Variants in KPNA2 observed in about 807,000 individuals in gnomAD.
KPNA2 encodes karyopherin subunit alpha 2, also known as importin subunit alpha-1.
A neutral mutation model predicts 53.7 loss-of-function variants in KPNA2; 20 were observed. The ratio of observed to expected loss-of-function variants is 0.37; its 90% CI spans 0.26 to 0.54. The LOEUF (loss-of-function observed/expected upper bound fraction) is 0.54, where lower values mean the gene tolerates loss of function less well. Ranked by LOEUF, KPNA2 falls within the 20% of genes least tolerant of loss-of-function variation. KPNA2 has a pLI of 0.83. For synonymous variants in KPNA2, 238 were observed against 227.5 expected (o/e 1.05, Z -0.42); for missense variants, 515 against 640.3 (o/e 0.80, Z 2.11).
intron 5 of KPNA2, among the ~76,000 whole-genome samples, 157 bp from the exon 6 acceptor site, chr17:68,042,748 G>A (rs1339382990): frequency 6.6e-6 from 1 of 151,880 alleles, no homozygotes; most frequent in African/African-American, 2.4e-5. Flanking sequence ...CGGGCGTGGC[G>A]GCGGGCGCCT....
intron 3 of KPNA2, among the ~76,000 whole-genome samples, chr17:68,040,124 C>A (rs1311936246): frequency 6.6e-6 from 1 of 151,960 alleles, no homozygotes; most frequent in Non-Finnish European, 1.5e-5. Flanking sequence ...CCTATGACTT[C>A]ATGTCTTTCT....
intron 3 of KPNA2, among the ~76,000 whole-genome samples, chr17:68,037,713 C>T (rs1312924565): frequency 6.6e-6 from 1 of 152,152 alleles, no homozygotes; most frequent in Non-Finnish European, 1.5e-5. Context: ...GACCTTCCTT[C>T]AGACTTCCCT....
At chr17:68,039,737 G>A (rs1263482578) in intron 3 of KPNA2, among the ~76,000 whole-genome samples, 2 of 151,100 alleles carry the variant, frequency 1.3e-5, no homozygotes, top group South Asian at 4.2e-4. Flanking sequence ...CCGAGATCAC[G>A]CCATTGCACT....
Position 68,037,192 on chromosome 17 carries a change from G to A in KPNA2, c.60G>A (p.Lys20=), listed in dbSNP as rs781915896. 1.2e-5 allele frequency: 20 copies of A among 1,612,676 alleles called. No individual in the cohort carries two copies. Among genetic ancestry groups the A allele is most frequent in the Non-Finnish European group, 1.7e-5 (20 of 1,179,318 alleles). ...CCCGTCTTCACAGATTCAAGAACAAGGGAAAAGACAGTACAGTGAGTACCT... is the reference window on the plus strand; with the variant it reads ...CCCGTCTTCACAGATTCAAGAACAAAGGAAAAGACAGTACAGTGAGTACCT... The part of the protein sequence containing the change: ...PAARLHRFKN[K]GKDSTEMRRR... Residue 20 remains lysine (K), a synonymous_variant, in exon 2 of 11, where the codon AAG becomes AAA. Coordinates refer to ENST00000330459, the MANE Select transcript of KPNA2 (RefSeq NM_002266.4).
intron 1 of KPNA2, 113 bp downstream of exon 1, chr17:68,035,953 C>T (rs2071184033): frequency 6.6e-6 from 1 of 152,360 alleles, no homozygotes; most frequent in Middle Eastern, 3.4e-3. Context: ...CTGGCTCTGC[C>T]TCCCGCGTTG....
chr17:68,037,624 T>G (rs1459129179), intron 3 of KPNA2, 129 bp downstream of exon 3: 2 of 898,656 alleles, frequency 2.2e-6, no homozygotes, highest in Non-Finnish European at 3.4e-6. Flanking sequence ...CATCTTTTTC[T>G]CTGTTTGCAA....
rs1325846653 is a variant in KPNA2 at position 68,046,726 on chromosome 17, A to G, written c.*130A>G. 6.1e-6 allele frequency: 4 copies of G among 652,326 alleles called. No individual in the cohort carries two copies. Among genetic ancestry groups the G allele is most frequent in the Non-Finnish European group, 1.1e-5 (4 of 361,050 alleles). 40.4% of individuals were successfully genotyped at this position (652,326 alleles called of 1,614,324 possible). ...CTTTTTACACTGAAACTATACTTGA[A>G]CAGTTCCAACTGTACATACATACTG... On this transcript the variant is annotated 3_prime_UTR_variant, in exon 11 of 11. Coordinates refer to ENST00000330459, the MANE Select transcript of KPNA2 (RefSeq NM_002266.4).
Position 68,042,313 on chromosome 17 carries a change from C to G in KPNA2, c.531C>G (p.His177Gln). The change falls in exon 5 of 11, where the codon CAC (histidine) becomes CAG (glutamine). Residue 177 changes from histidine (H) to glutamine (Q), a missense_variant. By Grantham distance (24) the His-to-Gln change is conservative. Coordinates refer to ENST00000330459, the MANE Select transcript of KPNA2 (RefSeq NM_002266.4). The stretch of plus-strand genomic sequence containing the variant: ...CTCTGTTGGCATCTCCCCATGCTCA[C>G]ATCAGTGAACAAGCTGTCTGGGCTC... The part of the protein sequence containing the change: ...FISLLASPHA[H>Q]ISEQAVWALG... 1 of 1,614,210 alleles carries G rather than the reference C, an allele frequency of 6.2e-7. No homozygotes were observed. Among genetic ancestry groups the G allele is most frequent in the Non-Finnish European group, 8.5e-7 (1 of 1,180,020 alleles).
chr17:68,036,365 C>T (rs1185531265), intron 1 of KPNA2: 1 of 152,256 alleles, frequency 6.6e-6, no homozygotes, highest in African/African-American at 2.4e-5. Context: ...CGCATTCACT[C>T]CTAGTCTCTG....
intron 1 of KPNA2, chr17:68,036,875 G>C (rs2071196065): frequency 2.7e-6 from 1 of 365,170 alleles, no homozygotes; most frequent in Admixed American, 4.8e-5. Context: ...AATTTATATA[G>C]CTTGCATTCT....
chr17:68,046,426 A>T lies in KPNA2; in HGVS notation c.1498-78A>T, dbSNP rs782038746. On this transcript the variant is annotated intron_variant, in intron 10 of 10. Coordinates refer to ENST00000330459, the MANE Select transcript of KPNA2 (RefSeq NM_002266.4). Reference sequence around the variant, plus strand: ...GTAATATGCAGATCAAGACCTAGAGATTAAATACAGACTTCAGGTAGGCTG... The same window carrying T: ...GTAATATGCAGATCAAGACCTAGAGTTTAAATACAGACTTCAGGTAGGCTG... The T allele has an allele frequency of 5.8e-5, 49 of 842,876 alleles. No individual in the cohort carries two copies. In the East Asian group the frequency reaches 1.3e-3, roughly 22 times the overall value. The allele number at this position is 842,876 out of a possible 1,614,324, so 52.2% of individuals were successfully genotyped here. A position where few individuals can be genotyped will look rare whatever the true frequency, so the allele number is the denominator to read the frequency against.
At chr17:68,037,865 A>G (rs1252896927) in intron 3 of KPNA2, among the ~76,000 whole-genome samples, 2 of 151,440 alleles carry the variant, frequency 1.3e-5, no homozygotes, top group Admixed American at 1.3e-4. Context: ...CAGCAGCACA[A>G]TCGGCTCACT....
intron 4 of KPNA2, among the ~76,000 whole-genome samples, chr17:68,041,626 T>C (rs1384374996): frequency 5.3e-5 from 8 of 151,856 alleles, no homozygotes; most frequent in African/African-American, 1.7e-4. Flanking sequence ...CTAAGGAGGC[T>C]GAGGTGGGAG....
intron 3 of KPNA2, among the ~76,000 whole-genome samples, chr17:68,039,626 C>CAAAAAAA (rs1457613748): frequency 6.7e-6 from 1 of 149,756 alleles, no homozygotes. Context: ...ACTAAAAATA[C>CAAAAAAA]AAAATTAGCT....
chr17:68,045,973 C>T (rs1555705376), intron 10 of KPNA2, 52 bp downstream of exon 10: 8 of 1,217,204 alleles, frequency 6.6e-6, no homozygotes, highest in Non-Finnish European at 9.0e-6. Context: ...AAAGTCAAGG[C>T]CATAAGCCTT....
intron 10 of KPNA2, among the ~76,000 whole-genome samples, 186 bp downstream of exon 10, chr17:68,046,107 CTG>C (rs1413263038): frequency 1.3e-5 from 2 of 152,092 alleles, no homozygotes; most frequent in African/African-American, 4.8e-5. Context: ...TCTTTTTAAA[CTG>C]AGATTTTAAA....
chr17:68,044,569 T>C, intron 9 of KPNA2, 66 bp downstream of exon 9: 3 of 1,336,352 alleles, frequency 2.2e-6, no homozygotes, highest in Non-Finnish European at 3.2e-6. Flanking sequence ...CTATTTAGAC[T>C]TGGGGGAGGG....
intron 9 of KPNA2, among the ~76,000 whole-genome samples, chr17:68,044,972 A>G (rs1344034665): frequency 2.0e-5 from 3 of 151,874 alleles, no homozygotes; most frequent in East Asian, 3.9e-4. Context: ...GTGGGCGCCT[A>G]TAATCCCAGC....
intron 2 of KPNA2, 61 bp from the exon 3 acceptor site, chr17:68,037,297 G>T (rs781835838): frequency 6.4e-7 from 1 of 1,574,144 alleles, no homozygotes; most frequent in Non-Finnish European, 8.6e-7. Context: ...AAAAAAAAAT[G>T]CCCTCACTTA....
Sources: gnomAD v4.1 joint callset for allele counts (sites outside exome capture counted in the v4.1 genomes callset) on GRCh38, gnomAD v4.1.1 for gene constraint, MANE v1.5 for transcripts, NCBI Gene and HGNC (gene_info 2026-07-23, HGNC 2026-07-21) for gene names.